The following TCEA1 variants were observed in gnomAD, a reference collection of about 807,000 sequenced individuals.
TCEA1 encodes the protein transcription elongation factor A protein 1.
TCEA1 carries 21 observed loss-of-function variants against 43.8 expected under a neutral mutation model. The observed-to-expected ratio is 0.48, with a 90% CI of 0.34 to 0.69. The LOEUF is 0.69. TCEA1 is among the 30% of genes least tolerant of loss of function. TCEA1 has a pLI of 0.01. For synonymous variants in TCEA1, 104 were observed against 117.5 expected (o/e 0.88, Z 0.75); for missense variants, 250 against 365.1 (o/e 0.68, Z 2.57).
In TCEA1 at chr8:53,969,255, A is replaced by AC. The variant is rs559915056; in HGVS notation, c.897+1136dup. Among the ~76,000 whole-genome samples, 41 of 152,298 alleles carry AC rather than the reference A, an allele frequency of 2.7e-4. No individual in the cohort carries two copies. The South Asian group carries it at 8.3e-3, about 31-fold the overall frequency. On this transcript the variant is annotated intron_variant, in intron 9 of 9. Transcript: ENST00000521604. The stretch of plus-strand genomic sequence containing the variant: ...CAGTGAGCTGAGATAGCGCCACTGC[A>AC]CTCCAGCCTGGGCAACACAGTGAGG...
chr8:54,001,316 G>A (rs1031123331), intron 2 of TCEA1, among the ~76,000 whole-genome samples: 3 of 152,042 alleles, frequency 2.0e-5, no homozygotes, highest in East Asian at 1.9e-4. Context: ...TAAGCTTTAC[G>A]GTAGAAAAAT....
chr8:54,002,237 C>A (rs893027572), intron 2 of TCEA1, among the ~76,000 whole-genome samples: 13 of 151,070 alleles, frequency 8.6e-5, no homozygotes, highest in African/African-American at 2.9e-4. Context: ...TCTGGGAGGC[C>A]GAGGTGGGTG....
intron 2 of TCEA1, 29 bp downstream of exon 2, chr8:54,010,401 A>G (rs753967002): frequency 1.3e-6 from 2 of 1,565,510 alleles, no homozygotes; most frequent in South Asian, 2.4e-5. Flanking sequence ...CTACCTATTA[A>G]AAAAACTTTG....
At chr8:53,998,966 C>G (rs546834730) in intron 3 of TCEA1, among the ~76,000 whole-genome samples, 2 of 152,096 alleles carry the variant, frequency 1.3e-5, no homozygotes, top group African/African-American at 4.8e-5. Flanking sequence ...AGGTGGCTCA[C>G]GCCTGTAATC....
intron 8 of TCEA1, chr8:53,973,382 C>G: frequency 2.0e-6 from 1 of 507,784 alleles, no homozygotes; most frequent in East Asian, 4.9e-5. Context: ...GAAAAAAAGA[C>G]AAAAAGAAAA....
chr8:54,008,658 T>C (rs969895563), intron 2 of TCEA1, among the ~76,000 whole-genome samples: 3 of 119,796 alleles, frequency 2.5e-5, no homozygotes, highest in African/African-American at 1.2e-4. Flanking sequence ...AGAGACCTTA[T>C]CTTAAAAAAA....
intron 4 of TCEA1, among the ~76,000 whole-genome samples, chr8:53,991,003 T>C (rs998888841): frequency 6.6e-5 from 10 of 152,294 alleles, no homozygotes; most frequent in South Asian, 2.1e-4. Context: ...GGGGTGTAGA[T>C]AGATACCAAT....
At chr8:53,970,905 A>T (rs1004332949) in intron 8 of TCEA1, among the ~76,000 whole-genome samples, 1 of 152,184 alleles carries the variant, frequency 6.6e-6, no homozygotes, top group Non-Finnish European at 1.5e-5. Flanking sequence ...GACAAATATA[A>T]CTCCAACAAC....
chr8:53,976,241 A>T (rs1333497055), intron 8 of TCEA1, among the ~76,000 whole-genome samples: 1 of 152,182 alleles, frequency 6.6e-6, no homozygotes, highest in Non-Finnish European at 1.5e-5. Context: ...AACTATTAAC[A>T]TGCCTTCCAA....
At chr8:54,010,513 A>T in intron 1 of TCEA1, 21 bp from the exon 2 acceptor site, 1 of 1,560,250 alleles carries the variant, frequency 6.4e-7, no homozygotes, top group Non-Finnish European at 8.7e-7. Context: ...AAATAATTTC[A>T]TATTGAATTC....
intron 6 of TCEA1, among the ~76,000 whole-genome samples, chr8:53,986,635 T>C (rs1404572864): frequency 6.6e-6 from 1 of 152,250 alleles, no homozygotes; most frequent in Admixed American, 6.5e-5. Context: ...GGGATTTATA[T>C]GTTTCAGTTT....
At chr8:53,985,022 G>A (rs1048024375) in intron 6 of TCEA1, among the ~76,000 whole-genome samples, 3 of 152,128 alleles carry the variant, frequency 2.0e-5, no homozygotes, top group African/African-American at 4.8e-5. Context: ...ACACTGTAAA[G>A]TAGTTGTTTG....
chr8:53,986,212 A>G (rs1803684887), intron 6 of TCEA1, among the ~76,000 whole-genome samples: 3 of 152,240 alleles, frequency 2.0e-5, no homozygotes, highest in Non-Finnish European at 2.9e-5. Context: ...TATGCAATTT[A>G]TCCATTTTAC....
At chr8:53,970,493 T>C in intron 8 of TCEA1, 30 bp from the exon 9 acceptor site, 1 of 1,431,728 alleles carries the variant, frequency 7.0e-7, no homozygotes. Context: ...AATGTACTTT[T>C]TGCAGTACTA....
chr8:53,978,814 A>C (rs1803419183), intron 8 of TCEA1: 1 of 443,662 alleles, frequency 2.3e-6, no homozygotes, highest in African/African-American at 2.0e-5. Flanking sequence ...TTATAAATAA[A>C]ACTTATCAGT....
At chr8:53,981,927 CTTTTTTTTTTTT>C (rs35034211) in intron 7 of TCEA1, among the ~76,000 whole-genome samples, 1 of 128,168 alleles carries the variant, frequency 7.8e-6, no homozygotes, top group Non-Finnish European at 1.7e-5. Flanking sequence ...GCTAAGTTTT[CTTTTTTTTTTTT>C]TTTTTTGTAG....
intron 8 of TCEA1, among the ~76,000 whole-genome samples, chr8:53,974,558 A>T (rs1047047292): frequency 6.6e-6 from 1 of 151,480 alleles, no homozygotes; most frequent in Admixed American, 6.6e-5. Context: ...ACGGAGTTTC[A>T]TTCTTGTCAC....
At chr8:54,016,181 A>T (rs1336923612) in intron 1 of TCEA1, among the ~76,000 whole-genome samples, 1 of 152,244 alleles carries the variant, frequency 6.6e-6, no homozygotes, top group Admixed American at 6.5e-5. Context: ...CCCAACAGAA[A>T]TGAAAACATA....
intron 2 of TCEA1, among the ~76,000 whole-genome samples, chr8:54,001,895 G>A (rs1357417834): frequency 6.6e-6 from 1 of 151,922 alleles, no homozygotes; most frequent in East Asian, 1.9e-4. Context: ...TGTAATCCCA[G>A]CACTTTGGGA....
Sources: gnomAD v4.1 joint callset for allele counts (sites outside exome capture counted in the v4.1 genomes callset) on GRCh38, gnomAD v4.1.1 for gene constraint, MANE v1.5 for transcripts, NCBI Gene and HGNC (gene_info 2026-07-23, HGNC 2026-07-21) for gene names.